The following HCN2 variants were observed in gnomAD, a reference collection of about 807,000 sequenced individuals.
HCN2 encodes hyperpolarization activated cyclic nucleotide gated potassium and sodium channel 2, also known as potassium/sodium hyperpolarization-activated cyclic nucleotide-gated channel 2.
A neutral mutation model predicts 52.3 loss-of-function variants in HCN2; 20 were observed. The observed-to-expected ratio is 0.38, with a 90% CI of 0.27 to 0.56. HCN2 has a LOEUF of 0.56. Ranked by LOEUF, HCN2 falls within the 20% of genes least tolerant of loss-of-function variation. HCN2 has a pLI of 0.71. For missense variants in HCN2, 981 were observed against 1,207.7 expected (o/e 0.81, Z 2.78); for synonymous variants, 694 against 537.0 (o/e 1.29, Z -4.04).
chr19:605,168 G>T lies in HCN2; in HGVS notation c.1164G>T (p.Val388=). The T allele has an allele frequency of 1.2e-6, 2 of 1,611,500 alleles. No individual in the cohort carries two copies. Among genetic ancestry groups the T allele is most frequent in the Non-Finnish European group, 1.7e-6 (2 of 1,179,620 alleles). The stretch of plus-strand genomic sequence containing the variant: ...GGGACGGCTGCCTGCAGTTCCTGGT[G>T]CCTATGCTGCAGGACTTCCCGCGCA... ...CHWDGCLQFL[V]PMLQDFPRNC... is the part of the protein sequence containing the mutation. The change falls in exon 3 of 8, where the codon GTG becomes GTT. Residue 388 remains valine (V), a synonymous_variant. Coordinates refer to ENST00000251287, the MANE Select transcript of HCN2 (RefSeq NM_001194.4).
chr19:612,368 G>C (rs1983672370), intron 5 of HCN2, among the ~76,000 whole-genome samples: 1 of 149,902 alleles, frequency 6.7e-6, no homozygotes, highest in Non-Finnish European at 1.5e-5. Flanking sequence ...TCACCTGATA[G>C]TCTGACCGAA....
chr19:614,313 C>G (rs1033034847), intron 7 of HCN2, among the ~76,000 whole-genome samples: 4 of 152,186 alleles, frequency 2.6e-5, no homozygotes, highest in African/African-American at 9.7e-5. Context: ...GGAGGGAATG[C>G]ACAGGGTGTT....
In HCN2 at chr19:590,509, C is replaced by G. The variant is rs370644700; in HGVS notation, c.564C>G (p.Ala188=). 2.5e-5 allele frequency: 38 copies of G among 1,521,058 alleles called. No individual in the cohort carries two copies. The highest frequency in any genetic ancestry group is 2.9e-5 in the Non-Finnish European group (33 of 1,129,130). The allele number at this position is 1,521,058 out of a possible 1,614,324, so 94.2% of individuals were successfully genotyped here. A position where few individuals can be genotyped will look rare whatever the true frequency, so the allele number is the denominator to read the frequency against. Residue 188 remains alanine, a synonymous_variant, in exon 1 of 8, where the codon GCC becomes GCG. Transcript: ENST00000251287. This position sits in a 1 kb window ranked among gnomAD's most constrained non-coding sequence, Gnocchi z 7.2. ...FSLRMFGSQK[A]VEREQERVKS... is the part of the protein sequence containing the mutation. ...TGCGGATGTTCGGCAGCCAGAAGGC[C>G]GTGGAGCGCGAGCAGGAGCGCGTCA... is the stretch of plus-strand genomic sequence containing the variant.
At chr19:600,578 C>T (rs1222612405) in intron 1 of HCN2, among the ~76,000 whole-genome samples, 2 of 152,052 alleles carry the variant, frequency 1.3e-5, no homozygotes, top group Non-Finnish European at 2.9e-5. Flanking sequence ...ATCTCTTGAC[C>T]TCATGATGCG....
chr19:605,164 T>C lies in HCN2; in HGVS notation c.1160T>C (p.Leu387Pro). Residue 387 changes from leucine (L) to proline (P), a missense_variant, in exon 3 of 8, where the codon CTG becomes CCG. Coordinates refer to ENST00000251287, the MANE Select transcript of HCN2 (RefSeq NM_001194.4). Reference protein sequence around the residue: ...LCHWDGCLQFLVPMLQDFPRN... With the variant: ...LCHWDGCLQFPVPMLQDFPRN... The stretch of plus-strand genomic sequence containing the variant: ...CACTGGGACGGCTGCCTGCAGTTCC[T>C]GGTGCCTATGCTGCAGGACTTCCCG... The C allele has an allele frequency of 6.2e-7, 1 of 1,611,494 alleles. No homozygotes were observed. Among genetic ancestry groups the C allele is most frequent in the Non-Finnish European group, 8.5e-7 (1 of 1,179,602 alleles).
chr19:617,049 C>G lies in HCN2; in HGVS notation c.*575C>G. ...GGGGGGGAGGCTGGGGTCCCGCCGC[C>G]GTGATGAATGTACTGACGAGCCGAG... On this transcript the variant is annotated 3_prime_UTR_variant, in exon 8 of 8. Transcript: ENST00000251287. The G allele has an allele frequency of 1.8e-6, 1 of 554,732 alleles. No homozygotes were observed. The highest frequency in any genetic ancestry group is 2.0e-5 in the South Asian group (1 of 50,438). 34.4% of individuals were successfully genotyped at this position (554,732 alleles called of 1,614,324 possible).
In HCN2 at chr19:608,157, C is replaced by A; in HGVS notation, c.1412C>A (p.Ser471Tyr). ...ACTGCCCTCATCCAGTCGCTGGACT[C>A]CTCGCGGCGCCAGTACCAGGAGAAG... The part of the protein sequence containing the change: ...HATALIQSLD[S>Y]SRRQYQEKYK... The change falls in exon 4 of 8, where the codon TCC becomes TAC. Residue 471 changes from serine to tyrosine, a missense_variant. This residue lies in a region of HCN2 where 282 missense variants were observed against 553.8 expected (regional missense o/e 0.51). Coordinates refer to ENST00000251287, the MANE Select transcript of HCN2 (RefSeq NM_001194.4). The A allele has an allele frequency of 6.2e-7, 1 of 1,612,950 alleles. No homozygotes were observed. The highest frequency in any genetic ancestry group is 2.2e-5 in the East Asian group (1 of 44,888).
chr19:615,177 G>A (rs764581512), intron 7 of HCN2, among the ~76,000 whole-genome samples: 16 of 152,132 alleles, frequency 1.1e-4, no homozygotes, highest in Non-Finnish European at 1.5e-5. Flanking sequence ...CATACTTGGT[G>A]CACAGTGATA....
Position 590,223 on chromosome 19 carries a change from C to T in HCN2, c.278C>T (p.Thr93Met). Residue 93 changes from threonine to methionine, a missense_variant, in exon 1 of 8, where the codon ACG (threonine) becomes ATG (methionine). Coordinates refer to ENST00000251287, the MANE Select transcript of HCN2 (RefSeq NM_001194.4). This position sits in a 1 kb window ranked among gnomAD's most constrained non-coding sequence, Gnocchi z 7.2. ...CCCGGCACCCCGGGCGCGGCGAGCA[C>T]GGCCAAGGGCAGCCCGAACGGCGAG... ...GRPGTPGAASTAKGSPNGECG... is the reference protein window; with the variant it reads ...GRPGTPGAASMAKGSPNGECG... 4.1e-6 allele frequency: 4 copies of T among 985,668 alleles called. No individual in the cohort carries two copies. Among genetic ancestry groups the T allele is most frequent in the Non-Finnish European group, 4.8e-6 (4 of 831,714 alleles). 61.1% of individuals were successfully genotyped at this position (985,668 alleles called of 1,614,324 possible). A position where few individuals can be genotyped will look rare whatever the true frequency, so the allele number is the denominator to read the frequency against.
At chr19:604,055 T>TGAG in intron 2 of HCN2, 88 bp downstream of exon 2, 3 of 928,438 alleles carry the variant, frequency 3.2e-6, no homozygotes, top group Non-Finnish European at 4.6e-6. Flanking sequence ...GGCGGGGCTA[T>TGAG]AATGGTGCAT....
chr19:612,393 G>GGTGTGTGTGTGTGTGTGTGTGTGTGT (rs140326049), intron 5 of HCN2, among the ~76,000 whole-genome samples: 15 of 141,872 alleles, frequency 1.1e-4, no homozygotes, highest in South Asian at 2.3e-4. Context: ...GCTTTCCACT[G>GGTGTGTGTGTGTGTGTGTGTGTGTGT]GTGTGTGTGT....
At position 592,605 on chromosome 19, in the gene HCN2, C is replaced by T. The variant is rs112241871; in HGVS notation, c.632+2028C>T. On this transcript the variant is annotated intron_variant, in intron 1 of 7. Coordinates refer to ENST00000251287, the MANE Select transcript of HCN2 (RefSeq NM_001194.4). This position sits in a 1 kb window ranked among gnomAD's most constrained non-coding sequence, Gnocchi z 4.8. ...CTGAGCAGGCAGGGAATGGGGTTAGCGGGGCCTGTCTTCGGGACTAGGGGA... is the reference window on the plus strand; with the variant it reads ...CTGAGCAGGCAGGGAATGGGGTTAGTGGGGCCTGTCTTCGGGACTAGGGGA... 3.3e-5 allele frequency among the ~76,000 whole-genome samples: 5 copies of T among 152,118 alleles called. No homozygotes were observed. Among genetic ancestry groups the T allele is most frequent in the African/African-American group, 1.2e-4 (5 of 41,488 alleles).
At chr19:614,577 C>T (rs1983815985) in intron 7 of HCN2, among the ~76,000 whole-genome samples, 2 of 152,134 alleles carry the variant, frequency 1.3e-5, no homozygotes, top group Non-Finnish European at 2.9e-5. Flanking sequence ...ACAGCACATC[C>T]CAAGGCCCTG....
At chr19:598,020 GGAGGCAGGTCTCAATCCAGAGGGT>G (rs1983090362) in intron 1 of HCN2, among the ~76,000 whole-genome samples, 2 of 152,190 alleles carry the variant, frequency 1.3e-5, no homozygotes, top group Admixed American at 1.3e-4. Flanking sequence ...CTCGAAGGTG[GGAGGCAGGTCTCAATCCAGAGGGT>G]GAGGCTGGGG....
At chr19:602,255 C>T (rs10410787) in intron 1 of HCN2, among the ~76,000 whole-genome samples, 233 of 35,228 alleles carry the variant, frequency 6.6e-3, no homozygotes, top group East Asian at 0.011. Flanking sequence ...ACGCCCCACT[C>T]CCTCCTCTCT....
At chr19:606,434 G>A (rs561063480) in intron 3 of HCN2, among the ~76,000 whole-genome samples, 1 of 152,272 alleles carries the variant, frequency 6.6e-6, no homozygotes, top group Admixed American at 6.5e-5. Flanking sequence ...AGTTGAGGCT[G>A]CAGTGAGCCA....
At chr19:598,111 G>C (rs986821915) in intron 1 of HCN2, among the ~76,000 whole-genome samples, 1 of 152,228 alleles carries the variant, frequency 6.6e-6, no homozygotes, top group East Asian at 1.9e-4. Flanking sequence ...GCGGCAGGCG[G>C]GTGGCATCCC....
chr19:600,426 C>T (rs949488482), intron 1 of HCN2, among the ~76,000 whole-genome samples: 9 of 152,072 alleles, frequency 5.9e-5, no homozygotes, highest in African/African-American at 2.2e-4. Flanking sequence ...CTGCAACCTC[C>T]GCCTCACTGG....
intron 3 of HCN2, among the ~76,000 whole-genome samples, 194 bp downstream of exon 3, chr19:605,416 G>C (rs1388045466): frequency 1.2e-3 from 97 of 80,086 alleles, no homozygotes; most frequent in African/African-American, 5.5e-3. Flanking sequence ...TGGAGGGGAG[G>C]ACTCGGGCCC....
Sources: allele counts gnomAD v4.1 joint callset (sites outside exome capture counted in the v4.1 genomes callset), GRCh38; gene constraint gnomAD v4.1.1; regional missense constraint gnomAD v4.1.1; non-coding constraint Gnocchi (gnomAD v3.1); transcripts MANE v1.5; gene names NCBI Gene and HGNC (gene_info 2026-07-23, HGNC 2026-07-21).